The following TAS1R2 variants were observed in gnomAD, a reference collection of about 807,000 sequenced individuals.
The protein encoded by TAS1R2 is taste receptor type 1 member 2.
A neutral mutation model predicts 49.3 loss-of-function variants in TAS1R2; 47 were observed. The observed-to-expected ratio is 0.95, with a 90% confidence interval of 0.75 to 1.22. TAS1R2 has a LOEUF of 1.22. Among genes scored for constraint, TAS1R2 ranks in the 50% most tolerant of loss-of-function variants. TAS1R2 has a pLI of 0.00. For synonymous variants in TAS1R2, 479 were observed against 467.9 expected (o/e 1.02, Z -0.31); for missense variants, 1,155 against 1,122.1 (o/e 1.03, Z -0.42).
intron 4 of TAS1R2, among the ~76,000 whole-genome samples, chr1:18,848,667 G>C (rs1029465811): frequency 2.6e-5 from 4 of 152,118 alleles, no homozygotes; most frequent in Admixed American, 2.6e-4. Context: ...TCCACCTCCT[G>C]TCAGATCAAC....
chr1:18,852,965 G>A (rs1934060369), intron 3 of TAS1R2, among the ~76,000 whole-genome samples: 1 of 152,242 alleles, frequency 6.6e-6, no homozygotes, highest in Non-Finnish European at 1.5e-5. Context: ...GGGACATCCT[G>A]GTTGCTATGA....
chr1:18,845,433 T>C (rs563460719), intron 4 of TAS1R2, among the ~76,000 whole-genome samples: 1 of 152,324 alleles, frequency 6.6e-6, no homozygotes, highest in East Asian at 1.9e-4. Context: ...ACCAGAAGGA[T>C]TGGCTACATG....
intron 4 of TAS1R2, among the ~76,000 whole-genome samples, chr1:18,846,955 G>A (rs1219560075): frequency 1.3e-5 from 2 of 152,136 alleles, no homozygotes; most frequent in East Asian, 1.9e-4. Context: ...TCGTTTAAAT[G>A]TGTGTGATAT....
chr1:18,847,096 C>T (rs2100512446), intron 4 of TAS1R2, among the ~76,000 whole-genome samples: 1 of 152,342 alleles, frequency 6.6e-6, no homozygotes, highest in East Asian at 1.9e-4. Flanking sequence ...GCTTCCTGTA[C>T]AGCCTGCAGA....
rs769638788 is a variant in TAS1R2, at chr1:18,840,033, C to T, written c.2086G>A (p.Gly696Ser). The change falls in exon 6 of 6, where the codon GGC becomes AGC. Residue 696 changes from glycine to serine, a missense_variant. Physicochemically the swap from Gly to Ser is moderately conservative, Grantham distance 56. Transcript: ENST00000375371. ...GGACTGAGGCCCGTGGCCAGCATGC[C>T]AATTACCACAATGACCATTTTGAGT... 4.3e-6 allele frequency: 7 copies of T among 1,613,310 alleles called. No individual in the cohort carries two copies. In the South Asian group the frequency reaches 4.4e-5, roughly 10 times the overall value.
chr1:18,846,258 A>C lies in TAS1R2; in HGVS notation c.1467+3083T>G, dbSNP rs1933918674. Reference sequence around the variant, plus strand: ...ACACCCCACAGAGCAACCCCTGACCACCAGGTGATGGGAGCTAGTGGATTA... The same window carrying C: ...ACACCCCACAGAGCAACCCCTGACCCCCAGGTGATGGGAGCTAGTGGATTA... On this transcript the variant is annotated intron_variant, in intron 4 of 5. Coordinates refer to ENST00000375371, the Ensembl canonical transcript of TAS1R2. Among the ~76,000 whole-genome samples the C allele has an allele frequency of 2.0e-5, 3 of 152,242 alleles. 1 individual carries two copies. In the South Asian group the frequency reaches 6.2e-4, roughly 32 times the overall value.
At chr1:18,840,140 T>C (rs1057067039) in exon 6 of TAS1R2, 2 of 1,614,208 alleles carry the variant, frequency 1.2e-6, no homozygotes, top group Non-Finnish European at 1.7e-6. Flanking sequence ...GCTGGCCATC[T>C]TGAAGGCGCA....
intron 4 of TAS1R2, among the ~76,000 whole-genome samples, chr1:18,848,402 G>A (rs1414967855): frequency 2.6e-5 from 4 of 152,042 alleles, no homozygotes; most frequent in Non-Finnish European, 4.4e-5. Context: ...TCTTCCTGGG[G>A]AGCTGGAAAG....
intron 2 of TAS1R2, 50 bp downstream of exon 2, chr1:18,857,281 A>G (rs770615389): frequency 6.3e-7 from 1 of 1,575,440 alleles, no homozygotes; most frequent in Non-Finnish European, 8.6e-7. Flanking sequence ...CTAGACAGCC[A>G]TTCCTCTGCC....
chr1:18,857,244 T>G (rs2100527452), intron 2 of TAS1R2, 87 bp downstream of exon 2: 2 of 1,415,912 alleles, frequency 1.4e-6, no homozygotes, highest in Middle Eastern at 2.3e-4. Context: ...CTCCCATGAT[T>G]GATGGAGGAA....
At chr1:18,840,510 C>T in exon 6 of TAS1R2, 1 of 1,614,196 alleles carries the variant, frequency 6.2e-7, no homozygotes, top group Non-Finnish European at 8.5e-7. Context: ...TTCGGGCAGG[C>T]CTGGCATTCA....
intron 4 of TAS1R2, among the ~76,000 whole-genome samples, chr1:18,846,849 G>A (rs1933928715): frequency 6.6e-6 from 1 of 152,232 alleles, no homozygotes; most frequent in Non-Finnish European, 1.5e-5. Context: ...CTGGTGGGAG[G>A]TGATTGGATC....
At chr1:18,859,492 G>A (rs939714537) in exon 1 of TAS1R2, 3 of 1,613,974 alleles carry the variant, frequency 1.9e-6, no homozygotes, top group South Asian at 2.2e-5. Flanking sequence ...TTGCACATGG[G>A]CACCTGCAGG....
At chr1:18,843,270 CAAGT>C (rs1933859166) in intron 4 of TAS1R2, among the ~76,000 whole-genome samples, 1 of 152,148 alleles carries the variant, frequency 6.6e-6, no homozygotes, top group Non-Finnish European at 1.5e-5. Flanking sequence ...CTTTTATATC[CAAGT>C]AAGACCTATG....
intron 4 of TAS1R2, 97 bp from the exon 5 acceptor site, chr1:18,841,949 C>A: frequency 1.6e-6 from 2 of 1,273,118 alleles, no homozygotes; most frequent in Non-Finnish European, 2.1e-6. Flanking sequence ...GGGAGGAAGC[C>A]TAGAAGCCCC....
intron 4 of TAS1R2, 123 bp downstream of exon 4, chr1:18,849,218 A>T: frequency 1.9e-6 from 2 of 1,026,436 alleles, no homozygotes; most frequent in Non-Finnish European, 2.8e-6. Flanking sequence ...ACAAATAGAC[A>T]TCCCCCCAGA....
chr1:18,850,240 C>T (rs1356632922), intron 3 of TAS1R2, among the ~76,000 whole-genome samples: 2 of 152,256 alleles, frequency 1.3e-5, no homozygotes, highest in East Asian at 3.9e-4. Context: ...CTGTGTGACT[C>T]TGAGCAAGTT....
At chr1:18,850,356 T>A (rs1272114273) in intron 3 of TAS1R2, among the ~76,000 whole-genome samples, 1 of 152,224 alleles carries the variant, frequency 6.6e-6, no homozygotes, top group Non-Finnish European at 1.5e-5. Context: ...TTTGGCTATA[T>A]CTTTAGGGCT....
At chr1:18,840,468 A>G in exon 6 of TAS1R2, 1 of 1,614,192 alleles carries the variant, frequency 6.2e-7, no homozygotes, top group Non-Finnish European at 8.5e-7. Context: ...CGCTTGAAGC[A>G]GGAGGTCTCA....
Sources: allele counts gnomAD v4.1 joint callset (sites outside exome capture counted in the v4.1 genomes callset), GRCh38; gene constraint gnomAD v4.1.1; transcripts MANE v1.5; gene names NCBI Gene and HGNC (gene_info 2026-07-23, HGNC 2026-07-21).